The following AP4M1 variants were observed in gnomAD, a reference collection of about 807,000 sequenced individuals.
AP4M1 encodes the protein AP-4 complex subunit mu-1.
Under a neutral mutation model 62.4 loss-of-function variants are expected in AP4M1, and 58 were observed. The observed-to-expected ratio is 0.93, with a 90% CI of 0.75 to 1.16. AP4M1 has a LOEUF of 1.16. AP4M1 is among the 50% of genes most tolerant of loss of function. The pLI, the probability that AP4M1 is intolerant of heterozygous loss-of-function variation, is 0.00. For missense variants in AP4M1, 626 were observed against 585.4 expected (o/e 1.07, Z -0.72); for synonymous variants, 290 against 239.7 (o/e 1.21, Z -1.94).
chr7:100,101,109 G>A (rs1795996891), upstream of AP4M1: 1 of 905,868 alleles, frequency 1.1e-6, no homozygotes, highest in Non-Finnish European at 1.7e-6. Context: ...CCCAGGCCCC[G>A]TGGGCCTTAG....
chr7:100,101,410 C>T, upstream of AP4M1: 2 of 1,420,032 alleles, frequency 1.4e-6, no homozygotes, highest in East Asian at 2.3e-5. Context: ...CGCGAAACGT[C>T]GCCCCCCACG....
intron 9 of AP4M1, 55 bp downstream of exon 9, chr7:100,105,153 G>A: frequency 1.9e-6 from 3 of 1,612,944 alleles, no homozygotes; most frequent in Non-Finnish European, 2.5e-6. Flanking sequence ...CAGAGTTCAT[G>A]GAGAGAAGTC....
Position 100,106,978 on chromosome 7 carries a change from T to C in AP4M1, c.*96T>C. 7.1e-7 allele frequency: 1 copy of C among 1,417,204 alleles called. No homozygotes were observed. The highest frequency in any genetic ancestry group is 9.6e-7 in the Non-Finnish European group (1 of 1,038,576). 87.8% of individuals were successfully genotyped at this position (1,417,204 alleles called of 1,614,324 possible). ...AGCCTCCTGGCCTTCGGACTCTGAA[T>C]CTGGGCAGGAAGAGTCCTCAGTCCC... On this transcript the variant is annotated 3_prime_UTR_variant, in exon 15 of 15. Transcript: ENST00000359593.
Position 100,106,496 on chromosome 7 carries a change from A to C in AP4M1, c.1119A>C (p.Gln373His). Residue 373 changes from glutamine to histidine, a missense_variant, in exon 14 of 15, where the codon CAA becomes CAC. Coordinates refer to ENST00000359593, the MANE Select transcript of AP4M1 (RefSeq NM_004722.4). ...WDLPRVQGGS[Q>H]LSGLFQMDVP... ...TGCCTCGGGTGCAAGGAGGCTCTCA[A>C]CTCTCAGGCCTTTTCCAGGTATTCG... The C allele has an allele frequency of 6.2e-7, 1 of 1,613,188 alleles. No homozygotes were observed. The highest frequency in any genetic ancestry group is 8.5e-7 in the Non-Finnish European group (1 of 1,179,916).
chr7:100,102,739 C>T lies in AP4M1; in HGVS notation c.212C>T (p.Ser71Leu), dbSNP rs1584507819. ...GGCCTCTATTTGGTGGTCACAACTT[C>T]AGAAAACGTTTCTCCCTTCAGCCTC... ...HSGLYLVVTT[S>L]ENVSPFSLLE... Residue 71 changes from serine (S) to leucine (L), a missense_variant, in exon 3 of 15, where the codon TCA becomes TTA. Ser to Leu is a moderately radical substitution (Grantham distance 145). Coordinates refer to ENST00000359593, the MANE Select transcript of AP4M1 (RefSeq NM_004722.4). 6.2e-7 allele frequency: 1 copy of T among 1,614,160 alleles called. No individual in the cohort carries two copies. The highest frequency in any genetic ancestry group is 8.5e-7 in the Non-Finnish European group (1 of 1,180,024).
chr7:100,106,815 G>A lies in AP4M1; in HGVS notation c.1295G>A (p.Gly432Asp). 6.2e-7 allele frequency: 1 copy of A among 1,614,038 alleles called. No homozygotes were observed. The highest frequency in any genetic ancestry group is 8.5e-7 in the Non-Finnish European group (1 of 1,180,046). ...CTCAGGCTGGCCTTCAGGCCATGCG[G>A]CAATGCCAACCCCCACAAGTGGGTG... The part of the protein sequence containing the change: ...RFLRLAFRPC[G>D]NANPHKWVRH... Residue 432 changes from glycine (G) to aspartate (D), a missense_variant, in exon 15 of 15, where the codon GGC becomes GAC. By Grantham distance (94) the Gly-to-Asp change is moderately conservative. Transcript: ENST00000359593.
rs376025594 is a variant in AP4M1, at chr7:100,102,898, C to G, written c.289C>G (p.Leu97Val). ...ATLLGDYCGS[L>V]GEGTISRNVA... Reference sequence around the variant, plus strand: ...CCTTCTGGGCGATTACTGTGGCTCCCTGGGCGAGGGGACCATCTCCCGCAA... The same window carrying G: ...CCTTCTGGGCGATTACTGTGGCTCCGTGGGCGAGGGGACCATCTCCCGCAA... The change falls in exon 4 of 15, where the codon CTG becomes GTG. Residue 97 changes from leucine to valine, a missense_variant. Coordinates refer to ENST00000359593, the MANE Select transcript of AP4M1 (RefSeq NM_004722.4). The G allele has an allele frequency of 6.2e-7, 1 of 1,614,122 alleles. No homozygotes were observed. The highest frequency in any genetic ancestry group is 1.7e-5 in the Admixed American group (1 of 60,020).
chr7:100,102,520 T>C (rs1402463114), intron 2 of AP4M1, 155 bp from the exon 3 acceptor site: 4 of 703,480 alleles, frequency 5.7e-6, no homozygotes, highest in East Asian at 5.4e-5. Context: ...CCTTTCCACA[T>C]TGGGAAGCTG....
chr7:100,101,453 C>G (rs1796025195), upstream of AP4M1: 2 of 1,001,950 alleles, frequency 2.0e-6, no homozygotes, highest in Non-Finnish European at 3.0e-6. Context: ...GCCAATCGGA[C>G]AAGGCGGCCT....
Position 100,107,599 on chromosome 7 carries a change from G to A in AP4M1, c.*717G>A, listed in dbSNP as rs1796666140. 1 of 1,613,312 alleles carries A rather than the reference G, an allele frequency of 6.2e-7. No individual in the cohort carries two copies. Among genetic ancestry groups the A allele is most frequent in the Non-Finnish European group, 8.5e-7 (1 of 1,179,850 alleles). On this transcript the variant is annotated 3_prime_UTR_variant, in exon 15 of 15. Transcript: ENST00000359593. The stretch of plus-strand genomic sequence containing the variant: ...GAAGTGGTGGTGGAACCTGAGCCGG[G>A]GGCCGAGGTGCTGAGGGACAGGACC...
chr7:100,107,908 T>C lies in AP4M1; in HGVS notation c.*1026T>C, dbSNP rs749322246. ...ACCCAGGCCCTCCAGATGCTCCCTG[T>C]CCCACAGCTCTGCATACCTGCTGGG... On this transcript the variant is annotated 3_prime_UTR_variant, in exon 15 of 15. Transcript: ENST00000359593. The C allele has an allele frequency of 3.1e-6, 5 of 1,589,958 alleles. No individual in the cohort carries two copies. The highest frequency in any genetic ancestry group is 2.3e-5 in the South Asian group (2 of 86,988).
In AP4M1 at chr7:100,108,249, G is replaced by C; in HGVS notation, c.*1367G>C. On this transcript the variant is annotated 3_prime_UTR_variant, in exon 15 of 15. Coordinates refer to ENST00000359593, the MANE Select transcript of AP4M1 (RefSeq NM_004722.4). ...ACTAGGGCTGGGGCATCCTCACTCAGGGCCTGGTTGCCCTGAGACTACTGA... is the reference window on the plus strand; with the variant it reads ...ACTAGGGCTGGGGCATCCTCACTCACGGCCTGGTTGCCCTGAGACTACTGA... The C allele has an allele frequency of 6.8e-7, 1 of 1,464,196 alleles. No homozygotes were observed. The highest frequency in any genetic ancestry group is 9.1e-7 in the Non-Finnish European group (1 of 1,103,522). 90.7% of individuals were successfully genotyped at this position (1,464,196 alleles called of 1,614,324 possible). A position where few individuals can be genotyped will look rare whatever the true frequency, so the allele number is the denominator to read the frequency against.
upstream of AP4M1, chr7:100,101,400 C>T (rs1210959867): frequency 4.1e-6 from 6 of 1,473,442 alleles, no homozygotes; most frequent in African/African-American, 2.8e-5. Context: ...CCGAAATTGG[C>T]GCGAAACGTC....
Position 100,104,161 on chromosome 7 carries a change from T to C in AP4M1, c.606+7T>C, listed in dbSNP as rs550432569. The C allele has an allele frequency of 1.1e-5, 17 of 1,613,422 alleles. No homozygotes were observed. The highest frequency in any genetic ancestry group is 2.2e-5 in the South Asian group (2 of 91,064). On this transcript the variant is annotated splice_region_variant and intron_variant, in intron 7 of 14. Transcript: ENST00000359593. ...TGTACTGATAGCATCTAATGTAAGT[T>C]TGAGCTCCCAAACCTGGAGCTGAGG...
Position 100,107,389 on chromosome 7 carries a change from G to A in AP4M1, c.*507G>A, listed in dbSNP as rs1398266641. On this transcript the variant is annotated 3_prime_UTR_variant, in exon 15 of 15. Coordinates refer to ENST00000359593, the MANE Select transcript of AP4M1 (RefSeq NM_004722.4). ...CTGAGTGGGGACGGGGACGATGCCG[G>A]GGGAGGAACTGGAGAAGGATGGGAG... 6.3e-7 allele frequency: 1 copy of A among 1,597,950 alleles called. No individual in the cohort carries two copies. The highest frequency in any genetic ancestry group is 1.7e-5 in the Admixed American group (1 of 58,080).
Position 100,104,107 on chromosome 7 carries a change from GT to G in AP4M1, c.566del (p.Leu189TrpfsTer10). On this transcript the variant is annotated frameshift_variant, in exon 7 of 15. Transcript: ENST00000359593. LOFTEE classifies it high-confidence loss of function. ...TCTTTCTCAGAGCCAAAAGAATGAA[GT>G]TTTTTTGGATGTGGTCGAGAGATTG... ...SRSDQSQKNE[V>X]FLDVVERLSV... The G allele has an allele frequency of 6.2e-7, 1 of 1,613,954 alleles. No homozygotes were observed. The highest frequency in any genetic ancestry group is 8.5e-7 in the Non-Finnish European group (1 of 1,179,970).
Position 100,107,747 on chromosome 7 carries a change from C to T in AP4M1, c.*865C>T. The T allele has an allele frequency of 2.1e-6, 3 of 1,450,894 alleles. No individual in the cohort carries two copies. Among genetic ancestry groups the T allele is most frequent in the Non-Finnish European group, 1.8e-6 (2 of 1,088,528 alleles). 89.9% of individuals were successfully genotyped at this position (1,450,894 alleles called of 1,614,324 possible). ...TTCCTGTAGTTCACCCTGTAGACAG[C>T]TATGGCTGGAGACCTTGTTCATGCA... On this transcript the variant is annotated 3_prime_UTR_variant, in exon 15 of 15. Transcript: ENST00000359593.
chr7:100,107,992 C>T lies in AP4M1; in HGVS notation c.*1110C>T. On this transcript the variant is annotated 3_prime_UTR_variant, in exon 15 of 15. Coordinates refer to ENST00000359593, the MANE Select transcript of AP4M1 (RefSeq NM_004722.4). The stretch of plus-strand genomic sequence containing the variant: ...TAAACTTGGTTGGAGGAGGGGAAGG[C>T]TGTGGTGGGGCAGCCGCTCGTGCAG... 1 of 1,613,954 alleles carries T rather than the reference C, an allele frequency of 6.2e-7. No homozygotes were observed. Among genetic ancestry groups the T allele is most frequent in the South Asian group, 1.1e-5 (1 of 91,062 alleles).
chr7:100,107,906 T>C lies in AP4M1; in HGVS notation c.*1024T>C, dbSNP rs773324756. The C allele has an allele frequency of 1.9e-6, 3 of 1,587,542 alleles. No homozygotes were observed. Among genetic ancestry groups the C allele is most frequent in the Admixed American group, 1.7e-5 (1 of 58,738 alleles). On this transcript the variant is annotated 3_prime_UTR_variant, in exon 15 of 15. Coordinates refer to ENST00000359593, the MANE Select transcript of AP4M1 (RefSeq NM_004722.4). ...TAACCCAGGCCCTCCAGATGCTCCC[T>C]GTCCCACAGCTCTGCATACCTGCTG...
Sources: allele counts gnomAD v4.1 joint callset, GRCh38; gene constraint gnomAD v4.1.1; transcripts MANE v1.5; gene names NCBI Gene and HGNC (gene_info 2026-07-23, HGNC 2026-07-21).